Variants in INPP4B observed in about 807,000 individuals in gnomAD.
The protein encoded by INPP4B is inositol polyphosphate-4-phosphatase type II B.
INPP4B carries 55 observed loss-of-function variants against 122.5 expected under a neutral mutation model. The observed-to-expected ratio is 0.45, with a 90% CI of 0.36 to 0.56. The LOEUF (loss-of-function observed/expected upper bound fraction) is 0.56, where lower values mean the gene tolerates loss of function less well. Ranked by LOEUF, INPP4B falls within the 20% of genes least tolerant of loss-of-function variation. INPP4B has a pLI of 0.00. For missense variants in INPP4B, 1,000 were observed against 1,097.7 expected (o/e 0.91, Z 1.26); for synonymous variants, 403 against 388.7 (o/e 1.04, Z -0.43).
At chr4:142,277,672 C>CCCACACACAT (rs1561718680) in intron 9 of INPP4B, among the ~76,000 whole-genome samples, 4 of 112,650 alleles carry the variant, frequency 3.6e-5, no homozygotes, top group African/African-American at 1.2e-4. Flanking sequence ...ATATCATACA[C>CCCACACACAT]ACACACACAT....
intron 25 of INPP4B, among the ~76,000 whole-genome samples, chr4:142,063,110 G>C (rs1761871620): frequency 6.6e-6 from 1 of 152,122 alleles, no homozygotes; most frequent in Admixed American, 6.5e-5. Flanking sequence ...ATTTTTTGCA[G>C]GGATGTGGCA....
At chr4:142,394,612 T>C (rs1374674029) in intron 7 of INPP4B, among the ~76,000 whole-genome samples, 2 of 152,240 alleles carry the variant, frequency 1.3e-5, no homozygotes, top group East Asian at 1.9e-4. Context: ...GCCATTTGTA[T>C]ATTTTCTTTT....
chr4:142,064,243 AACC>A (rs1304406912), intron 25 of INPP4B, among the ~76,000 whole-genome samples: 1 of 152,208 alleles, frequency 6.6e-6, no homozygotes, highest in Non-Finnish European at 1.5e-5. Flanking sequence ...TCTGTTCAGG[AACC>A]ACATGATACA....
chr4:142,601,542 C>A (rs1289057379), intron 2 of INPP4B, among the ~76,000 whole-genome samples: 1 of 134,324 alleles, frequency 7.4e-6, no homozygotes, highest in African/African-American at 2.8e-5. Flanking sequence ...CGGGACACAG[C>A]AAAAGCAGAG....
intron 2 of INPP4B, among the ~76,000 whole-genome samples, chr4:142,701,393 A>G (rs1215730637): frequency 2.0e-5 from 3 of 151,950 alleles, no homozygotes; most frequent in Non-Finnish European, 4.4e-5. Flanking sequence ...AAGGAATGCC[A>G]CATGGATCCA....
intron 25 of INPP4B, among the ~76,000 whole-genome samples, chr4:142,056,289 G>A (rs1347039860): frequency 1.3e-5 from 2 of 152,074 alleles, no homozygotes; most frequent in African/African-American, 4.8e-5. Flanking sequence ...ATTAGTATTT[G>A]AATAGGCTGA....
chr4:142,387,518 G>C lies in INPP4B; in HGVS notation c.372+15420C>G, dbSNP rs1796348453. ...AAGAAAGAAAAAAAGATTTTCTTTT[G>C]TGTTGCGTTTGGCCTCCAAGGTTAT... On this transcript the variant is annotated intron_variant, in intron 7 of 25. Transcript: ENST00000262992. Among the ~76,000 whole-genome samples, 4 of 151,352 alleles carry C rather than the reference G, an allele frequency of 2.6e-5. 1 individual carries two copies. The South Asian group carries it at 8.4e-4, about 32-fold the overall frequency.
intron 2 of INPP4B, among the ~76,000 whole-genome samples, chr4:142,713,557 G>A (rs191405288): frequency 2.0e-3 from 298 of 152,320 alleles, no homozygotes; most frequent in Non-Finnish European, 3.8e-3. Flanking sequence ...AAAGAGAAAA[G>A]GAAGTGATTG....
intron 2 of INPP4B, among the ~76,000 whole-genome samples, chr4:142,568,365 G>C (rs1035813163): frequency 5.3e-5 from 8 of 152,034 alleles, no homozygotes; most frequent in Non-Finnish European, 1.2e-4. Flanking sequence ...CTGAAGGCTT[G>C]AATCACCCAG....
At chr4:142,644,796 A>G (rs944467311) in intron 2 of INPP4B, among the ~76,000 whole-genome samples, 1 of 148,434 alleles carries the variant, frequency 6.7e-6, no homozygotes, top group Non-Finnish European at 1.5e-5. Context: ...AGGTCCCTGT[A>G]ATCCCAGAGG....
chr4:142,432,666 G>A (rs1809585132), intron 3 of INPP4B, among the ~76,000 whole-genome samples: 1 of 152,030 alleles, frequency 6.6e-6, no homozygotes, highest in South Asian at 2.1e-4. Flanking sequence ...TTCTCCCAAA[G>A]ACCTATGACA....
intron 2 of INPP4B, among the ~76,000 whole-genome samples, chr4:142,636,224 T>C (rs1040751905): frequency 6.6e-6 from 1 of 152,064 alleles, no homozygotes; most frequent in African/African-American, 2.4e-5. Context: ...GAACTGTGAG[T>C]CAATTAAACC....
intron 10 of INPP4B, among the ~76,000 whole-genome samples, chr4:142,265,262 CAT>C (rs1273601457): frequency 6.6e-6 from 1 of 152,200 alleles, no homozygotes; most frequent in Non-Finnish European, 1.5e-5. Context: ...CATTAGATAA[CAT>C]GTGTCACTTT....
At chr4:142,700,576 T>C (rs1761612341) in intron 2 of INPP4B, among the ~76,000 whole-genome samples, 1 of 152,120 alleles carries the variant, frequency 6.6e-6, no homozygotes, top group Admixed American at 6.6e-5. Context: ...TTCCATCTTT[T>C]GGGAAAGAAA....
intron 7 of INPP4B, among the ~76,000 whole-genome samples, chr4:142,343,484 TAA>T (rs11316953): frequency 2.0e-5 from 3 of 148,332 alleles, no homozygotes; most frequent in Admixed American, 6.7e-5. Flanking sequence ...TGTTAAGGCT[TAA>T]AAAAAAAAAC....
intron 16 of INPP4B, among the ~76,000 whole-genome samples, chr4:142,162,982 A>G (rs1191230938): frequency 1.3e-5 from 2 of 151,888 alleles, no homozygotes; most frequent in Non-Finnish European, 2.9e-5. Context: ...TGTAACCTGA[A>G]AAAAATTTAA....
At chr4:142,361,331 A>T (rs1785316207) in intron 7 of INPP4B, among the ~76,000 whole-genome samples, 1 of 152,012 alleles carries the variant, frequency 6.6e-6, no homozygotes, top group African/African-American at 2.4e-5. Flanking sequence ...TTTGAAAACT[A>T]ATATCTGAAA....
intron 2 of INPP4B, among the ~76,000 whole-genome samples, chr4:142,680,575 A>G (rs1244419636): frequency 6.6e-6 from 1 of 151,940 alleles, no homozygotes; most frequent in African/African-American, 2.4e-5. Flanking sequence ...AGTTTTCAGC[A>G]AGTACATAAT....
chr4:142,658,528 T>C (rs938722824), intron 2 of INPP4B, among the ~76,000 whole-genome samples: 29 of 152,362 alleles, frequency 1.9e-4, no homozygotes, highest in Middle Eastern at 3.4e-3. Context: ...GATCAAGATA[T>C]GGAGCATGTT....
Sources: gnomAD v4.1 joint callset for allele counts (sites outside exome capture counted in the v4.1 genomes callset) on GRCh38, gnomAD v4.1.1 for gene constraint, MANE v1.5 for transcripts, NCBI Gene and HGNC (gene_info 2026-07-23, HGNC 2026-07-21) for gene names.